Variants in RASGRP3 observed in about 807,000 individuals in gnomAD.
RASGRP3 encodes ras guanyl-releasing protein 3.
RASGRP3 carries 54 observed loss-of-function variants against 82.7 expected under a neutral mutation model. That is an observed-to-expected ratio of 0.65 (90% CI 0.52 to 0.82). The LOEUF is 0.82. RASGRP3 is among the 40% of genes least tolerant of loss of function. The pLI, the probability that RASGRP3 is intolerant of heterozygous loss-of-function variation, is 0.00. For missense variants in RASGRP3, 861 were observed against 828.9 expected, an observed-to-expected ratio of 1.04 and a Z score of -0.48; for synonymous variants, 309 against 300.5, an observed-to-expected ratio of 1.03 and a Z score of -0.29.
chr2:33,518,709 A>AT (rs537382375), intron 4 of RASGRP3, among the ~76,000 whole-genome samples: 6,123 of 150,034 alleles, frequency 0.041, 421 homozygotes, highest in African/African-American at 0.14. Flanking sequence ...CTCTATTTAA[A>AT]TTTTTTTTTT....
chr2:33,547,924 AC>A (rs1408243997), intron 13 of RASGRP3, among the ~76,000 whole-genome samples: 1 of 152,016 alleles, frequency 6.6e-6, no homozygotes, highest in Non-Finnish European at 1.5e-5. Context: ...TCTCCGTGTT[AC>A]CTCCTGCCAA....
At chr2:33,473,243 C>T (rs1316588504), upstream of RASGRP3, among the ~76,000 whole-genome samples, 1 of 152,000 alleles carries the variant, frequency 6.6e-6, no homozygotes, top group Non-Finnish European at 1.5e-5. Context: ...ATTAGCTGGG[C>T]GTGGTGGCGG....
Position 33,547,191 on chromosome 2 carries a change from TGA to T in RASGRP3, c.1395-2409_1395-2408del, listed in dbSNP as rs567301994. Among the ~76,000 whole-genome samples the T allele has an allele frequency of 3.3e-3, 505 of 151,718 alleles. 2 individuals carry two copies. The highest frequency in any genetic ancestry group is 0.011 in the African/African-American group (469 of 41,360). Reference sequence around the variant, plus strand: ...AATACCACAGGTTCTCACTTCTAAGTGAGAGCTAAATGATGAGAACTCAAGAA... The same window carrying T: ...AATACCACAGGTTCTCACTTCTAAGTGAGCTAAATGATGAGAACTCAAGAA... On this transcript the variant is annotated intron_variant, in intron 13 of 17. Transcript: ENST00000403687.
chr2:33,515,245 C>T (rs911316694), intron 3 of RASGRP3, 39 bp downstream of exon 3: 9 of 1,599,318 alleles, frequency 5.6e-6, no homozygotes, highest in African/African-American at 4.0e-5. Context: ...TTGGATCTCT[C>T]GATGCTCTCA....
In RASGRP3 at chr2:33,490,549, C is replaced by T. The variant is rs139794407; in HGVS notation, c.-261+13842C>T. On this transcript the variant is annotated intron_variant, in intron 1 of 17. Transcript: ENST00000403687. ...TTCTATCCCTGGCCTCATGGCACAG[C>T]GTGCTTTTAAGTTTTCCTTCTCTTT... Among the ~76,000 whole-genome samples the T allele has an allele frequency of 5.3e-5, 8 of 152,356 alleles. No homozygotes were observed. The East Asian group carries it at 1.2e-3, about 22-fold the overall frequency.
intron 14 of RASGRP3, among the ~76,000 whole-genome samples, chr2:33,552,431 A>C (rs1292890181): frequency 6.6e-6 from 1 of 152,188 alleles, no homozygotes; most frequent in African/African-American, 2.4e-5. Context: ...ATACTTTGAG[A>C]GTTTAATTGA....
chr2:33,544,717 G>A (rs544963485), intron 13 of RASGRP3, among the ~76,000 whole-genome samples: 9 of 152,090 alleles, frequency 5.9e-5, no homozygotes, highest in Admixed American at 3.9e-4. Flanking sequence ...ATCTGGAGCC[G>A]GATGCGATAC....
intron 2 of RASGRP3, among the ~76,000 whole-genome samples, chr2:33,456,203 T>C (rs1473098640): frequency 2.0e-5 from 3 of 152,190 alleles, no homozygotes; most frequent in African/African-American, 7.2e-5. Context: ...TACACACATA[T>C]AGCCCTACAC....
At chr2:33,475,788 C>G (rs1458884135), upstream of RASGRP3, among the ~76,000 whole-genome samples, 2 of 152,160 alleles carry the variant, frequency 1.3e-5, no homozygotes, top group East Asian at 3.8e-4. Context: ...GCCACGTTTG[C>G]GAGCAGCACA....
At chr2:33,545,164 C>A (rs1016971444) in intron 13 of RASGRP3, among the ~76,000 whole-genome samples, 4 of 152,154 alleles carry the variant, frequency 2.6e-5, no homozygotes, top group Non-Finnish European at 4.4e-5. Context: ...ATATTTGTGT[C>A]TATCTCTATC....
At chr2:33,539,011 C>A in intron 11 of RASGRP3, 83 bp from the exon 12 acceptor site, 1 of 997,958 alleles carries the variant, frequency 1.0e-6, no homozygotes, top group Non-Finnish European at 1.5e-6. Flanking sequence ...TGCACTCCAG[C>A]CTGGGCGACA....
Position 33,527,139 on chromosome 2 carries a change from C to T in RASGRP3, c.810C>T (p.Asn270=), listed in dbSNP as rs768449180. Residue 270 remains asparagine, a splice_region_variant and synonymous_variant, in exon 10 of 18, where the codon AAC becomes AAT. Coordinates refer to ENST00000403687, the MANE Select transcript of RASGRP3 (RefSeq NM_001139488.2). The stretch of plus-strand genomic sequence containing the variant: ...TCTACTTTTCCATCTGTTCCCAGAA[C>T]TGGAATGAAATGACAGAGTTGGTCT... ...HSHLSSEVTK[N]WNEMTELVSS... The T allele has an allele frequency of 6.2e-7, 1 of 1,613,892 alleles. No homozygotes were observed. The highest frequency in any genetic ancestry group is 8.5e-7 in the Non-Finnish European group (1 of 1,179,768).
intron 4 of RASGRP3, among the ~76,000 whole-genome samples, chr2:33,518,416 G>A (rs181647396): frequency 6.8e-4 from 104 of 152,314 alleles, no homozygotes; most frequent in Non-Finnish European, 1.3e-3. Flanking sequence ...ACTGGAAGCC[G>A]CTCAGGGTGA....
At chr2:33,562,613 A>G (rs1322702426) in intron 17 of RASGRP3, 116 bp from the exon 18 acceptor site, 1 of 1,153,204 alleles carries the variant, frequency 8.7e-7, no homozygotes, top group African/African-American at 1.5e-5. Context: ...TGAGACTACA[A>G]GGTACTGATC....
chr2:33,518,774 A>C (rs1430436377), intron 4 of RASGRP3, among the ~76,000 whole-genome samples: 15 of 151,968 alleles, frequency 9.9e-5, no homozygotes, highest in Admixed American at 6.5e-5. Context: ...GCATTAGCCT[A>C]GGTTTAGGTT....
chr2:33,528,186 C>T (rs555230785), intron 10 of RASGRP3, among the ~76,000 whole-genome samples: 77 of 152,308 alleles, frequency 5.1e-4, no homozygotes, highest in African/African-American at 1.7e-3. Flanking sequence ...ACTCTTTATT[C>T]GATTTTTATC....
At chr2:33,471,517 G>A (rs116238133) in intron 2 of RASGRP3, among the ~76,000 whole-genome samples, 3 of 151,608 alleles carry the variant, frequency 2.0e-5, no homozygotes, top group Non-Finnish European at 4.4e-5. Context: ...CTATGTTTAC[G>A]TATGAAGTTA....
chr2:33,461,475 G>C (rs1022542814), intron 2 of RASGRP3, among the ~76,000 whole-genome samples: 1 of 152,010 alleles, frequency 6.6e-6, no homozygotes, highest in South Asian at 2.1e-4. Flanking sequence ...GCGGGGTTTC[G>C]CCATGTTGGC....
At chr2:33,439,872 G>T (rs531792377) in intron 1 of RASGRP3, among the ~76,000 whole-genome samples, 1 of 152,298 alleles carries the variant, frequency 6.6e-6, no homozygotes, top group Non-Finnish European at 1.5e-5. Context: ...AAGATCTGCC[G>T]GTTGGAGGCA....
Sources: allele counts gnomAD v4.1 joint callset (sites outside exome capture counted in the v4.1 genomes callset), GRCh38; gene constraint gnomAD v4.1.1; transcripts MANE v1.5; gene names NCBI Gene and HGNC (gene_info 2026-07-23, HGNC 2026-07-21).